Variants in SNTG2 observed in about 807,000 individuals in gnomAD.
SNTG2 encodes the protein gamma-2-syntrophin.
SNTG2 carries 74 observed loss-of-function variants against 70.9 expected under a neutral mutation model. The observed-to-expected ratio is 1.04, with a 90% CI of 0.86 to 1.27. The LOEUF (loss-of-function observed/expected upper bound fraction) is 1.27, where lower values mean the gene tolerates loss of function less well. Ranked by LOEUF, SNTG2 falls within the 50% of genes most tolerant of loss-of-function variation. The probability of loss-of-function intolerance (pLI) is 0.00; values close to 1 mark genes in which losing one functional copy is unlikely to be tolerated. For missense variants in SNTG2, 717 were observed against 690.7 expected, an observed-to-expected ratio of 1.04 and a Z score of -0.43; for synonymous variants, 278 against 273.8, an observed-to-expected ratio of 1.02 and a Z score of -0.15.
At chr2:1,128,434 A>G (rs1467601910) in intron 4 of SNTG2, among the ~76,000 whole-genome samples, 1 of 152,106 alleles carries the variant, frequency 6.6e-6, no homozygotes, top group East Asian at 1.9e-4. Context: ...CCTTTGTGTT[A>G]TTATGGAAGT....
chr2:1,025,312 G>C (rs1400517154), intron 1 of SNTG2, among the ~76,000 whole-genome samples: 1 of 152,166 alleles, frequency 6.6e-6, no homozygotes, highest in Non-Finnish European at 1.5e-5. Context: ...AGATATGGGT[G>C]CATGGAATCC....
chr2:974,825 T>G (rs1572180747), intron 1 of SNTG2, among the ~76,000 whole-genome samples: 1 of 152,262 alleles, frequency 6.6e-6, no homozygotes, highest in East Asian at 1.9e-4. Flanking sequence ...TAATTTGTGC[T>G]TTTACACTCT....
intron 16 of SNTG2, among the ~76,000 whole-genome samples, chr2:1,341,970 C>A (rs1345358003): frequency 9.2e-5 from 14 of 152,092 alleles, no homozygotes; most frequent in Admixed American, 8.5e-4. Context: ...CTCAGCCTCC[C>A]AAAGCACTGG....
intron 7 of SNTG2, 55 bp downstream of exon 7, chr2:1,165,690 A>G: frequency 7.0e-7 from 1 of 1,427,720 alleles, no homozygotes. Context: ...TTCTTGCCAC[A>G]TTATTTATCC....
intron 1 of SNTG2, among the ~76,000 whole-genome samples, chr2:962,596 A>G (rs906212514): frequency 2.0e-5 from 3 of 152,242 alleles, no homozygotes; most frequent in Non-Finnish European, 4.4e-5. Context: ...GTACAAATAG[A>G]ATCAACATAT....
intron 9 of SNTG2, among the ~76,000 whole-genome samples, chr2:1,234,514 G>A (rs1676476253): frequency 6.6e-6 from 1 of 151,942 alleles, no homozygotes; most frequent in Non-Finnish European, 1.5e-5. Flanking sequence ...TTCCTATTTT[G>A]TGGTACGGTT....
At chr2:1,234,265 A>G (rs1341360020) in intron 9 of SNTG2, among the ~76,000 whole-genome samples, 1 of 152,220 alleles carries the variant, frequency 6.6e-6, no homozygotes, top group African/African-American at 2.4e-5. Context: ...CCCGGCTTCT[A>G]TAACAATAAA....
chr2:1,222,119 C>CTGTCTCTGTCTCTATCTCTG, intron 9 of SNTG2, among the ~76,000 whole-genome samples: 1 of 107,672 alleles, frequency 9.3e-6, no homozygotes, highest in African/African-American at 4.6e-5. Context: ...CTCTCTGTCT[C>CTGTCTCTGTCTCTATCTCTG]TCTCTGTCTC....
intron 4 of SNTG2, among the ~76,000 whole-genome samples, chr2:1,121,641 G>C (rs539378167): frequency 2.0e-4 from 31 of 152,194 alleles, no homozygotes; most frequent in African/African-American, 7.0e-4. Context: ...GGGAAGCAAG[G>C]CACCTTCTTC....
intron 1 of SNTG2, among the ~76,000 whole-genome samples, chr2:1,081,312 TGTG>T (rs1215940504): frequency 6.6e-6 from 1 of 152,178 alleles, no homozygotes; most frequent in East Asian, 1.9e-4. Flanking sequence ...TCCTCACAGG[TGTG>T]GTGAGAACGC....
chr2:1,198,139 CTA>C (rs1264563223), intron 8 of SNTG2, among the ~76,000 whole-genome samples: 1 of 151,854 alleles, frequency 6.6e-6, no homozygotes, highest in Non-Finnish European at 1.5e-5. Flanking sequence ...AGAATGAAAA[CTA>C]TATCAAATAT....
chr2:1,137,561 C>G, intron 4 of SNTG2, 61 bp from the exon 5 acceptor site: 1 of 1,574,136 alleles, frequency 6.4e-7, no homozygotes, highest in Non-Finnish European at 8.7e-7. Context: ...AAATGACTGT[C>G]ATAACAAAGC....
At chr2:1,149,363 A>G (rs1255143024) in intron 6 of SNTG2, among the ~76,000 whole-genome samples, 1 of 152,148 alleles carries the variant, frequency 6.6e-6, no homozygotes, top group Non-Finnish European at 1.5e-5. Flanking sequence ...AGATACTGAA[A>G]GTGGCCAAGG....
At chr2:1,318,121 G>A (rs928964059) in intron 16 of SNTG2, among the ~76,000 whole-genome samples, 2 of 152,122 alleles carry the variant, frequency 1.3e-5, no homozygotes, top group Non-Finnish European at 2.9e-5. Flanking sequence ...CTATTGACAG[G>A]TGTTGACTTT....
chr2:1,158,745 T>C (rs956615213), intron 6 of SNTG2, among the ~76,000 whole-genome samples: 6 of 152,056 alleles, frequency 3.9e-5, no homozygotes, highest in African/African-American at 1.4e-4. Flanking sequence ...TAAAGGGGAA[T>C]GTAAGGCTGC....
intron 1 of SNTG2, among the ~76,000 whole-genome samples, chr2:1,011,449 T>C (rs904717821): frequency 2.0e-5 from 3 of 152,196 alleles, no homozygotes; most frequent in Non-Finnish European, 4.4e-5. Flanking sequence ...TAAGTACAAA[T>C]GTGGAGACAA....
chr2:1,293,413 T>G (rs1680070738), intron 14 of SNTG2, among the ~76,000 whole-genome samples: 1 of 152,230 alleles, frequency 6.6e-6, no homozygotes, highest in Non-Finnish European at 1.5e-5. Flanking sequence ...GTTTAGCGTG[T>G]TTTTCTTTTT....
In SNTG2 at chr2:1,165,535, G is replaced by A. The variant is rs1020043677; in HGVS notation, c.412-13G>A. The A allele has an allele frequency of 1.9e-6, 3 of 1,608,210 alleles. No homozygotes were observed. In the African/African-American group the frequency reaches 4.0e-5, roughly 22 times the overall value. On this transcript the variant is annotated splice_polypyrimidine_tract_variant and intron_variant, in intron 6 of 16. Coordinates refer to ENST00000308624, the MANE Select transcript of SNTG2 (RefSeq NM_018968.4). Reference sequence around the variant, plus strand: ...TGTGGTGGTAAAAGTAGCTATTTTTGTCATATTGACAGGTGCATCTGCTGA... The same window carrying A: ...TGTGGTGGTAAAAGTAGCTATTTTTATCATATTGACAGGTGCATCTGCTGA...
chr2:1,122,704 T>C (rs1667449423), intron 4 of SNTG2, among the ~76,000 whole-genome samples: 1 of 138,658 alleles, frequency 7.2e-6, no homozygotes, highest in Admixed American at 7.7e-5. Context: ...CTGGAAGTAC[T>C]TGCAATTAGC....
Sources: gnomAD v4.1 joint callset for allele counts (sites outside exome capture counted in the v4.1 genomes callset) on GRCh38, gnomAD v4.1.1 for gene constraint, MANE v1.5 for transcripts, NCBI Gene and HGNC (gene_info 2026-07-23, HGNC 2026-07-21) for gene names.